Variants in NRXN3 observed in about 807,000 individuals in gnomAD.
The protein encoded by NRXN3 is neurexin 3.
Under a neutral mutation model 137.6 loss-of-function variants are expected in NRXN3, and 32 were observed. The observed-to-expected ratio is 0.23, with a 90% CI of 0.18 to 0.31. The LOEUF (loss-of-function observed/expected upper bound fraction) is 0.31, where lower values mean the gene tolerates loss of function less well. NRXN3 is among the 10% of genes least tolerant of loss of function. The probability of loss-of-function intolerance (pLI) is 1.00; values close to 1 mark genes in which losing one functional copy is unlikely to be tolerated. For synonymous variants in NRXN3, 798 were observed against 784.5 expected, an observed-to-expected ratio of 1.02 and a Z score of -0.29; for missense variants, 1,574 against 2,062.5, an observed-to-expected ratio of 0.76 and a Z score of 4.59.
At chr14:79,067,688 C>G (rs969897159) in intron 15 of NRXN3, among the ~76,000 whole-genome samples, 1 of 151,740 alleles carries the variant, frequency 6.6e-6, no homozygotes, top group African/African-American at 2.4e-5. Context: ...TCAAATTTAC[C>G]TTTCTTATAA....
intron 4 of NRXN3, among the ~76,000 whole-genome samples, chr14:78,602,089 C>CGCTG: frequency 6.6e-6 from 1 of 152,114 alleles, no homozygotes; most frequent in Non-Finnish European, 1.5e-5. Context: ...CTGAGATGGG[C>CGCTG]GCTGACCTGT....
chr14:79,548,591 A>G (rs1601943596), intron 16 of NRXN3, among the ~76,000 whole-genome samples: 1 of 151,662 alleles, frequency 6.6e-6, no homozygotes. Flanking sequence ...ATTTCTAACC[A>G]CCCTTTCCTT....
At chr14:78,307,406 A>G (rs8006711) in intron 4 of NRXN3, among the ~76,000 whole-genome samples, 24,968 of 152,078 alleles carry the variant, frequency 0.16, 2,652 homozygotes, top group Middle Eastern at 0.24. Context: ...GTGTTTATCC[A>G]TGTAATAATC....
At chr14:78,988,179 G>C in intron 15 of NRXN3, 38 bp downstream of exon 15, 1 of 1,611,822 alleles carries the variant, frequency 6.2e-7, no homozygotes, top group Middle Eastern at 1.7e-4. Context: ...ACTTTGTGAA[G>C]ATGTTTGGAG....
At chr14:79,282,493 GTC>G (rs535502639) in intron 15 of NRXN3, among the ~76,000 whole-genome samples, 93 of 147,900 alleles carry the variant, frequency 6.3e-4, no homozygotes, top group African/African-American at 1.2e-3. Context: ...GTCAGAGTCA[GTC>G]TCTCTCTCTC....
At chr14:79,478,847 C>T (rs1230464270) in intron 16 of NRXN3, among the ~76,000 whole-genome samples, 1 of 152,050 alleles carries the variant, frequency 6.6e-6, no homozygotes, top group African/African-American at 2.4e-5. Flanking sequence ...AGGCAAGTGG[C>T]AGATCAGAGC....
At chr14:79,024,991 G>A (rs2099595729) in intron 15 of NRXN3, among the ~76,000 whole-genome samples, 2 of 152,080 alleles carry the variant, frequency 1.3e-5, no homozygotes, top group South Asian at 4.1e-4. Context: ...GTATAAATGA[G>A]AAGCTGGGAT....
At chr14:78,198,260 C>T (rs1400564510) in intron 1 of NRXN3, among the ~76,000 whole-genome samples, 1 of 152,264 alleles carries the variant, frequency 6.6e-6, no homozygotes, top group Non-Finnish European at 1.5e-5. Flanking sequence ...AGCTGCTTTG[C>T]TTTGTACCAT....
intron 4 of NRXN3, among the ~76,000 whole-genome samples, chr14:78,414,515 G>T (rs1466696940): frequency 6.6e-6 from 1 of 152,142 alleles, no homozygotes; most frequent in Non-Finnish European, 1.5e-5. Flanking sequence ...TCATGAAATA[G>T]GCGGCTTCAA....
chr14:79,049,498 C>A (rs1017700994), intron 15 of NRXN3, among the ~76,000 whole-genome samples: 1 of 152,154 alleles, frequency 6.6e-6, no homozygotes, highest in African/African-American at 2.4e-5. Context: ...CCCCATAAAG[C>A]CATCTACGGG....
rs138786648 is a variant in NRXN3 at position 78,601,538 on chromosome 14, C to T, written c.758-43582C>T. Among the ~76,000 whole-genome samples the T allele has an allele frequency of 1.3e-3, 198 of 151,860 alleles. 1 individual carries two copies. Among genetic ancestry groups the T allele is most frequent in the Middle Eastern group, 6.8e-3 (2 of 294 alleles). The stretch of plus-strand genomic sequence containing the variant: ...CATGATCTCGGCTCACTGCAAGCTC[C>T]GTCTCCTGGGTTCACGCCATTCTCC... On this transcript the variant is annotated intron_variant, in intron 4 of 20. Coordinates refer to ENST00000335750, the MANE Select transcript of NRXN3 (RefSeq NM_001330195.2).
At chr14:78,364,405 A>G (rs1201970888) in intron 4 of NRXN3, among the ~76,000 whole-genome samples, 1 of 152,210 alleles carries the variant, frequency 6.6e-6, no homozygotes, top group East Asian at 1.9e-4. Flanking sequence ...CCTGCTGAAC[A>G]ACAGTTTCAA....
At chr14:78,506,708 G>A (rs1449080896) in intron 4 of NRXN3, among the ~76,000 whole-genome samples, 1 of 145,902 alleles carries the variant, frequency 6.9e-6, no homozygotes, top group Non-Finnish European at 1.5e-5. Flanking sequence ...GTACAGGCTG[G>A]AGGGCAATGG....
chr14:78,220,338 G>C (rs961080715), intron 1 of NRXN3, among the ~76,000 whole-genome samples: 12 of 152,042 alleles, frequency 7.9e-5, no homozygotes, highest in Non-Finnish European at 1.5e-5. Context: ...ACTTTCAAAG[G>C]TGTGCAGAGA....
At chr14:79,619,200 T>C (rs1468060381) in intron 16 of NRXN3, among the ~76,000 whole-genome samples, 2 of 152,194 alleles carry the variant, frequency 1.3e-5, no homozygotes, top group Non-Finnish European at 2.9e-5. Flanking sequence ...AAAAAGTCTT[T>C]AGTTTAATTA....
At chr14:78,887,674 C>T (rs2099147512) in intron 10 of NRXN3, among the ~76,000 whole-genome samples, 1 of 152,038 alleles carries the variant, frequency 6.6e-6, no homozygotes, top group Non-Finnish European at 1.5e-5. Flanking sequence ...TACGAGTAAA[C>T]ATTTTTTAAA....
chr14:79,061,602 A>C (rs2099674382), intron 15 of NRXN3, among the ~76,000 whole-genome samples: 1 of 152,226 alleles, frequency 6.6e-6, no homozygotes, highest in African/African-American at 2.4e-5. Flanking sequence ...TTAGCACTGC[A>C]GTGGAATGCT....
At chr14:79,769,444 C>A (rs1177223105) in intron 19 of NRXN3, among the ~76,000 whole-genome samples, 1 of 152,094 alleles carries the variant, frequency 6.6e-6, no homozygotes, top group African/African-American at 2.4e-5. Context: ...ACTCTACAAG[C>A]CAGAAGAGAG....
At chr14:79,220,584 T>C (rs937922376) in intron 15 of NRXN3, among the ~76,000 whole-genome samples, 3 of 152,146 alleles carry the variant, frequency 2.0e-5, no homozygotes, top group African/African-American at 7.2e-5. Flanking sequence ...TGTGCTGTGC[T>C]TCCTCATTCC....
Sources: gnomAD v4.1 joint callset for allele counts (sites outside exome capture counted in the v4.1 genomes callset) on GRCh38, gnomAD v4.1.1 for gene constraint, MANE v1.5 for transcripts, NCBI Gene and HGNC (gene_info 2026-07-23, HGNC 2026-07-21) for gene names.